The following REPS2 variants were observed in gnomAD, a reference collection of about 807,000 sequenced individuals.
REPS2 encodes RALBP1 associated Eps domain containing 2.
REPS2 carries 23 observed loss-of-function variants against 53.6 expected under a neutral mutation model. That is an observed-to-expected ratio of 0.43 (90% CI 0.31 to 0.61). The LOEUF (loss-of-function observed/expected upper bound fraction) is 0.61. Among genes scored for constraint, REPS2 ranks in the 20% least tolerant of loss-of-function variants. The pLI is 0.11. For synonymous variants in REPS2, 238 were observed against 218.6 expected (o/e 1.09, Z -0.78); for missense variants, 446 against 534.9 (o/e 0.83, Z 1.64).
intron 1 of REPS2, among the ~76,000 whole-genome samples, chrX:16,956,020 A>G (rs1335180191): frequency 9.0e-6 from 1 of 111,728 alleles, no homozygotes; most frequent in Non-Finnish European, 1.9e-5. Flanking sequence ...GGTATTTTCA[A>G]TTTTAGTCTT....
At chrX:17,122,757 A>T (rs1163290111) in intron 14 of REPS2, among the ~76,000 whole-genome samples, 1 of 112,179 alleles carries the variant, frequency 8.9e-6, no homozygotes, top group African/African-American at 3.2e-5. Context: ...CTGGCCAGCT[A>T]TTTCTAATTG....
At chrX:17,188,202 C>T in the REPS2 span, among the ~76,000 whole-genome samples, 5 of 112,350 alleles carry the variant, frequency 4.5e-5, no homozygotes. Flanking sequence ...CTTGAAAGAG[C>T]TTTATTCATT....
chrX:17,050,082 T>C (rs1420525100), intron 6 of REPS2, among the ~76,000 whole-genome samples: 2 of 105,722 alleles, frequency 1.9e-5, no homozygotes, highest in Non-Finnish European at 3.9e-5. Context: ...ATTTTTCATC[T>C]TTTATACCAT....
chrX:17,070,514 T>C (rs2147976428), intron 11 of REPS2, among the ~76,000 whole-genome samples: 1 of 112,211 alleles, frequency 8.9e-6, no homozygotes, highest in South Asian at 3.7e-4. Flanking sequence ...CAGACCTGTG[T>C]CTGTGGAGTC....
At chrX:16,991,728 AAAATAAAT>A (rs751173690) in intron 1 of REPS2, among the ~76,000 whole-genome samples, 3 of 110,446 alleles carry the variant, frequency 2.7e-5, no homozygotes, top group African/African-American at 6.6e-5. Context: ...AGTAGAATAA[AAAATAAAT>A]AAATAAATAA....
intron 1 of REPS2, among the ~76,000 whole-genome samples, chrX:16,969,711 C>T (rs766457424): frequency 4.0e-4 from 39 of 98,196 alleles, no homozygotes; most frequent in Admixed American, 4.6e-4. Flanking sequence ...AGAGGGAGAC[C>T]GTGGAAAGAG....
chrX:17,021,094 G>A (rs1233892767), intron 2 of REPS2, among the ~76,000 whole-genome samples: 1 of 112,283 alleles, frequency 8.9e-6, no homozygotes, highest in Admixed American at 9.4e-5. Flanking sequence ...CATTGAAAGT[G>A]CAGCTGTGTT....
In REPS2 at chrX:17,068,081, A is replaced by G. The variant is rs1248257831; in HGVS notation, c.1210-321A>G. Among the ~76,000 whole-genome samples the G allele has an allele frequency of 2.7e-5, 3 of 111,598 alleles. No homozygotes were observed. The Admixed American group carries it at 2.9e-4, about 11-fold the overall frequency. On this transcript the variant is annotated intron_variant, in intron 9 of 17. Coordinates refer to ENST00000357277, the MANE Select transcript of REPS2 (RefSeq NM_004726.3). ...ATAATCTTAGCACTTTGGGAGGCTG[A>G]GGCGGGTGGATCACGAGGTCAGGAG...
intron 1 of REPS2, among the ~76,000 whole-genome samples, chrX:16,955,339 C>G (rs1256773363): frequency 9.0e-6 from 1 of 111,339 alleles, no homozygotes; most frequent in Non-Finnish European, 1.9e-5. Context: ...GATGGTCACC[C>G]CCTCTCTTGG....
intron 4 of REPS2, among the ~76,000 whole-genome samples, chrX:17,025,959 C>A (rs2147856905): frequency 8.9e-6 from 1 of 111,819 alleles, no homozygotes; most frequent in East Asian, 2.8e-4. Flanking sequence ...GTTTTGTGGG[C>A]TGTGGCCCCA....
At chrX:17,134,629 GT>G (rs1359191176) in intron 15 of REPS2, among the ~76,000 whole-genome samples, 1 of 110,638 alleles carries the variant, frequency 9.0e-6, no homozygotes, top group Non-Finnish European at 1.9e-5. Context: ...TTTTGTTTTT[GT>G]TTTTGTTTTT....
chrX:17,129,451 A>T (rs184337301), intron 14 of REPS2, among the ~76,000 whole-genome samples: 2 of 111,341 alleles, frequency 1.8e-5, no homozygotes, highest in East Asian at 5.7e-4. Context: ...GACCTTCCTA[A>T]TGCCTGTGTT....
chrX:17,139,086 C>T, intron 17 of REPS2, 125 bp downstream of exon 17: 3 of 412,620 alleles, frequency 7.3e-6, no homozygotes. Context: ...GTGATGTCTC[C>T]ATACCTATCA....
chrX:17,161,966 A>AT, the REPS2 span, among the ~76,000 whole-genome samples: 1 of 111,995 alleles, frequency 8.9e-6, no homozygotes, highest in Non-Finnish European at 1.9e-5. Flanking sequence ...TGCTTCTGAT[A>AT]TTTTAACTTG....
chrX:16,989,148 A>G (rs1382177717), intron 1 of REPS2, among the ~76,000 whole-genome samples: 1 of 110,899 alleles, frequency 9.0e-6, no homozygotes, highest in Non-Finnish European at 1.9e-5. Context: ...ACCAACAGAA[A>G]TGTGCCCAAT....
chrX:17,170,275 A>T, the REPS2 span, among the ~76,000 whole-genome samples: 1 of 112,329 alleles, frequency 8.9e-6, no homozygotes. Flanking sequence ...AATGCCCTGG[A>T]TGTGGCTTTG....
chrX:17,109,934 G>A (rs985292433), intron 14 of REPS2, among the ~76,000 whole-genome samples: 5 of 112,231 alleles, frequency 4.5e-5, no homozygotes, highest in Non-Finnish European at 9.4e-5. Context: ...ATGGCAGTTC[G>A]TAGGCCCTGA....
chrX:16,978,995 G>A (rs1046454134), intron 1 of REPS2, among the ~76,000 whole-genome samples: 1 of 111,946 alleles, frequency 8.9e-6, no homozygotes, highest in African/African-American at 3.2e-5. Context: ...TATGGTGTAA[G>A]TTAATGAATG....
At chrX:17,063,647 T>A (rs2062186680) in intron 9 of REPS2, among the ~76,000 whole-genome samples, 1 of 111,872 alleles carries the variant, frequency 8.9e-6, no homozygotes. Flanking sequence ...TTTGAAGAAT[T>A]TTGGTTAAAA....
Sources: allele counts gnomAD v4.1 joint callset (sites outside exome capture counted in the v4.1 genomes callset), GRCh38; gene constraint gnomAD v4.1.1; transcripts MANE v1.5; gene names NCBI Gene and HGNC (gene_info 2026-07-23, HGNC 2026-07-21).